GNAQ: variants seen among roughly 807,000 people sequenced by gnomAD.
GNAQ encodes the protein guanine nucleotide-binding protein G(q) subunit alpha.
Under a neutral mutation model 43.9 loss-of-function variants are expected in GNAQ, and 8 were observed. The observed-to-expected ratio is 0.18, with a 90% CI of 0.11 to 0.33. The LOEUF is 0.33. Ranked by LOEUF, GNAQ falls within the 10% of genes least tolerant of loss-of-function variation. The pLI is 1.00. For synonymous variants in GNAQ, 155 were observed against 170.7 expected (o/e 0.91, Z 0.71); for missense variants, 158 against 450.8 (o/e 0.35, Z 5.88).
At chr9:77,760,708 G>C (rs1355559465) in intron 5 of GNAQ, among the ~76,000 whole-genome samples, 1 of 151,112 alleles carries the variant, frequency 6.6e-6, no homozygotes, top group Non-Finnish European at 1.5e-5. Context: ...TGGCTGCCCA[G>C]TCTGGAAAGT....
intron 1 of GNAQ, among the ~76,000 whole-genome samples, chr9:77,938,079 T>C (rs1463602506): frequency 6.6e-6 from 1 of 152,134 alleles, no homozygotes; most frequent in Non-Finnish European, 1.5e-5. Flanking sequence ...TAAAATGGTA[T>C]AGCATCTGCA....
At chr9:77,808,824 CG>C (rs1366966977) in intron 3 of GNAQ, among the ~76,000 whole-genome samples, 1 of 151,792 alleles carries the variant, frequency 6.6e-6, no homozygotes, top group Non-Finnish European at 1.5e-5. Context: ...CACCATACAA[CG>C]GTCTTATCTG....
At chr9:77,920,128 ACT>A (rs1264871565) in intron 2 of GNAQ, among the ~76,000 whole-genome samples, 1 of 151,374 alleles carries the variant, frequency 6.6e-6, no homozygotes, top group African/African-American at 2.4e-5. Context: ...ACAGAGCAAG[ACT>A]CTGTCTCAAA....
intron 2 of GNAQ, among the ~76,000 whole-genome samples, chr9:77,898,912 A>C (rs1235494857): frequency 6.6e-6 from 1 of 152,194 alleles, no homozygotes; most frequent in African/African-American, 2.4e-5. Flanking sequence ...AAAAGACATA[A>C]TATATCATGC....
At chr9:77,749,945 T>C (rs1231251215) in intron 5 of GNAQ, among the ~76,000 whole-genome samples, 1 of 152,142 alleles carries the variant, frequency 6.6e-6, no homozygotes, top group Non-Finnish European at 1.5e-5. Flanking sequence ...GTTCATATTC[T>C]GTATTTCTTC....
At chr9:77,891,114 T>C (rs1436477930) in intron 2 of GNAQ, among the ~76,000 whole-genome samples, 1 of 152,232 alleles carries the variant, frequency 6.6e-6, no homozygotes, top group African/African-American at 2.4e-5. Flanking sequence ...TAAAATGCAC[T>C]GAAGTCAGCA....
chr9:77,752,978 T>G (rs1277379601), intron 5 of GNAQ, among the ~76,000 whole-genome samples: 1 of 149,136 alleles, frequency 6.7e-6, no homozygotes, highest in Non-Finnish European at 1.5e-5. Flanking sequence ...TTCCAGCTAC[T>G]CGGGAGGCTG....
intron 1 of GNAQ, among the ~76,000 whole-genome samples, chr9:77,977,886 C>T (rs1041997085): frequency 2.0e-5 from 3 of 152,226 alleles, no homozygotes; most frequent in Admixed American, 6.5e-5. Context: ...CCCAACTTAA[C>T]CCCCTTGTCC....
intron 3 of GNAQ, among the ~76,000 whole-genome samples, chr9:77,805,006 C>T (rs1280222439): frequency 6.6e-6 from 1 of 152,004 alleles, no homozygotes; most frequent in East Asian, 1.9e-4. Flanking sequence ...AAATCAGAAA[C>T]ACACAGTTAT....
intron 1 of GNAQ, among the ~76,000 whole-genome samples, chr9:77,993,051 T>C (rs1282551625): frequency 6.6e-6 from 1 of 152,238 alleles, no homozygotes; most frequent in Non-Finnish European, 1.5e-5. Context: ...CATTCCAATA[T>C]TGTTAGCTAA....
At chr9:77,997,493 G>A (rs1464951095) in intron 1 of GNAQ, among the ~76,000 whole-genome samples, 1 of 152,062 alleles carries the variant, frequency 6.6e-6, no homozygotes, top group Non-Finnish European at 1.5e-5. Context: ...TCCCCATCAG[G>A]GCTTGGCATC....
chr9:78,007,946 C>A, intron 1 of GNAQ, among the ~76,000 whole-genome samples: 1 of 152,156 alleles, frequency 6.6e-6, no homozygotes, highest in South Asian at 2.1e-4. Context: ...GGTGTGAAGG[C>A]CAAAATTTTT....
intron 3 of GNAQ, among the ~76,000 whole-genome samples, chr9:77,806,213 T>A (rs142774360): frequency 3.3e-5 from 5 of 152,374 alleles, no homozygotes; most frequent in African/African-American, 9.6e-5. Context: ...TTTATTCATC[T>A]TTTATATATG....
At chr9:77,865,278 T>C (rs1021894108) in intron 2 of GNAQ, among the ~76,000 whole-genome samples, 3 of 152,240 alleles carry the variant, frequency 2.0e-5, no homozygotes, top group Non-Finnish European at 4.4e-5. Flanking sequence ...CAGAATATCA[T>C]TTCAAGAAAC....
At chr9:77,753,397 G>T (rs1825848532) in intron 5 of GNAQ, among the ~76,000 whole-genome samples, 2 of 152,126 alleles carry the variant, frequency 1.3e-5, no homozygotes, top group Non-Finnish European at 2.9e-5. Context: ...CATCTAACAT[G>T]TTTTCTGAGG....
Position 77,717,875 on chromosome 9 carries a change from TAAAAAC to T in GNAQ, c.*3442_*3447del, listed in dbSNP as rs961415600. ...AACAGAGCTCTTTATATGGAAATGT[TAAAAAC>T]AAAAACTTCTAGGAGATTTATTTAC... On this transcript the variant is annotated 3_prime_UTR_variant, in exon 7 of 7. Coordinates refer to ENST00000286548, the MANE Select transcript of GNAQ (RefSeq NM_002072.5). The T allele has an allele frequency of 1.3e-5, 3 of 232,514 alleles. No homozygotes were observed. Among genetic ancestry groups the T allele is most frequent in the South Asian group, 1.8e-4 (1 of 5,528 alleles). 14.4% of individuals were successfully genotyped at this position (232,514 alleles called of 1,614,324 possible).
chr9:77,958,927 G>A (rs555412590), intron 1 of GNAQ, among the ~76,000 whole-genome samples: 1 of 152,148 alleles, frequency 6.6e-6, no homozygotes, highest in Admixed American at 6.5e-5. Flanking sequence ...CCAACTCAGA[G>A]GTACCCCAAA....
At chr9:77,812,332 G>A (rs1375807585) in intron 3 of GNAQ, among the ~76,000 whole-genome samples, 3 of 152,108 alleles carry the variant, frequency 2.0e-5, no homozygotes, top group African/African-American at 4.8e-5. Flanking sequence ...CTACCCTAAC[G>A]CCATGGTAAA....
At chr9:77,979,367 AAATTAAATT>A (rs1454115925) in intron 1 of GNAQ, among the ~76,000 whole-genome samples, 2 of 149,256 alleles carry the variant, frequency 1.3e-5, no homozygotes, top group Non-Finnish European at 2.9e-5. Context: ...AAAAAAAAAA[AAATTAAATT>A]AAATTAAATT....
Sources: gnomAD v4.1 joint callset for allele counts (sites outside exome capture counted in the v4.1 genomes callset) on GRCh38, gnomAD v4.1.1 for gene constraint, MANE v1.5 for transcripts, NCBI Gene and HGNC (gene_info 2026-07-23, HGNC 2026-07-21) for gene names.